CCSER1: variants seen among roughly 807,000 people sequenced by gnomAD.
CCSER1 encodes the protein serine-rich coiled-coil domain-containing protein 1.
In CCSER1, 41 loss-of-function variants were observed where a neutral mutation model predicts 82.0. The ratio of observed to expected loss-of-function variants is 0.50; its 90% CI spans 0.39 to 0.65. The LOEUF (loss-of-function observed/expected upper bound fraction) is 0.65, where lower values mean the gene tolerates loss of function less well. Ranked by LOEUF, CCSER1 falls within the 30% of genes least tolerant of loss-of-function variation. The pLI is 0.00. For missense variants in CCSER1, 1,119 were observed against 1,064.2 expected (o/e 1.05, Z -0.72); for synonymous variants, 414 against 383.9 (o/e 1.08, Z -0.92).
At chr4:91,370,474 A>T (rs1749954668) in intron 10 of CCSER1, among the ~76,000 whole-genome samples, 1 of 152,100 alleles carries the variant, frequency 6.6e-6, no homozygotes, top group Admixed American at 6.6e-5. Flanking sequence ...AGGTGGGTGG[A>T]TCATGAGGTC....
chr4:90,551,188 G>A (rs1777432692), intron 5 of CCSER1, among the ~76,000 whole-genome samples: 1 of 152,078 alleles, frequency 6.6e-6, no homozygotes, highest in African/African-American at 2.4e-5. Flanking sequence ...TTCTGGGAAT[G>A]ATGTTTCTGA....
intron 5 of CCSER1, 31 bp downstream of exon 5, chr4:90,468,385 T>G: frequency 6.3e-7 from 1 of 1,580,246 alleles, no homozygotes. Flanking sequence ...TTCAAGGCCT[T>G]GTAAAATCAA....
intron 4 of CCSER1, among the ~76,000 whole-genome samples, chr4:90,443,097 A>G (rs549736422): frequency 3.5e-4 from 53 of 152,324 alleles, no homozygotes; most frequent in Non-Finnish European, 4.9e-4. Flanking sequence ...ATTAACAACA[A>G]CAATAATAAA....
At chr4:90,990,731 G>A (rs1401150006) in intron 9 of CCSER1, among the ~76,000 whole-genome samples, 1 of 151,832 alleles carries the variant, frequency 6.6e-6, no homozygotes, top group Non-Finnish European at 1.5e-5. Context: ...ATACCCTAAA[G>A]TTGAGAACAG....
chr4:90,274,726 A>G (rs1166807314), intron 1 of CCSER1, among the ~76,000 whole-genome samples: 1 of 152,122 alleles, frequency 6.6e-6, no homozygotes, highest in African/African-American at 2.4e-5. Flanking sequence ...TGGTCCCAGA[A>G]TATCATACTT....
At chr4:90,784,799 T>A in intron 7 of CCSER1, among the ~76,000 whole-genome samples, 1 of 152,220 alleles carries the variant, frequency 6.6e-6, no homozygotes, top group East Asian at 1.9e-4. Context: ...CATGGTTGAT[T>A]AACATGTATT....
intron 10 of CCSER1, among the ~76,000 whole-genome samples, chr4:91,374,510 T>C (rs1750263980): frequency 1.3e-5 from 2 of 152,166 alleles, no homozygotes; most frequent in South Asian, 2.1e-4. Context: ...TTTAAGCCCA[T>C]TGTTGAGACC....
At chr4:91,286,816 A>G (rs1743313222) in intron 10 of CCSER1, among the ~76,000 whole-genome samples, 1 of 151,868 alleles carries the variant, frequency 6.6e-6, no homozygotes. Flanking sequence ...AATGTATTCA[A>G]CAATTCAAAA....
chr4:90,546,116 T>TA (rs61010757), intron 5 of CCSER1, among the ~76,000 whole-genome samples: 29,399 of 151,968 alleles, frequency 0.19, 3,276 homozygotes, highest in African/African-American at 0.3. Flanking sequence ...TTGGCTGAAA[T>TA]AGTTTGACAG....
chr4:90,761,113 A>G (rs1750346658), intron 7 of CCSER1, among the ~76,000 whole-genome samples: 2 of 152,122 alleles, frequency 1.3e-5, no homozygotes, highest in South Asian at 4.1e-4. Flanking sequence ...AAATCCCTTA[A>G]CAGTCACTGA....
chr4:91,287,256 A>G (rs1225727077), intron 10 of CCSER1, among the ~76,000 whole-genome samples: 1 of 151,956 alleles, frequency 6.6e-6, no homozygotes, highest in Non-Finnish European at 1.5e-5. Flanking sequence ...TCAAAGTCAG[A>G]AAAAATAGTT....
intron 10 of CCSER1, among the ~76,000 whole-genome samples, chr4:91,540,659 A>G (rs560204715): frequency 6.6e-6 from 1 of 152,106 alleles, no homozygotes; most frequent in African/African-American, 2.4e-5. Context: ...GTTATCTTCA[A>G]GAGGTTTATA....
intron 6 of CCSER1, among the ~76,000 whole-genome samples, chr4:90,687,608 A>G (rs1579928054): frequency 6.6e-6 from 1 of 152,116 alleles, no homozygotes; most frequent in East Asian, 1.9e-4. Flanking sequence ...CATCCTAACC[A>G]GGAGTTTGAA....
intron 9 of CCSER1, among the ~76,000 whole-genome samples, chr4:91,075,365 T>G (rs1721867503): frequency 6.6e-6 from 1 of 152,120 alleles, no homozygotes; most frequent in African/African-American, 2.4e-5. Context: ...GTGAGAAATA[T>G]GTATACTGAG....
At chr4:90,696,268 A>C (rs1736987307) in intron 6 of CCSER1, among the ~76,000 whole-genome samples, 1 of 152,154 alleles carries the variant, frequency 6.6e-6, no homozygotes, top group Admixed American at 6.6e-5. Flanking sequence ...CCTGCCATGC[A>C]GTTCCATATT....
chr4:90,492,510 C>G (rs1276840792), intron 5 of CCSER1, among the ~76,000 whole-genome samples: 2 of 152,088 alleles, frequency 1.3e-5, no homozygotes, highest in Non-Finnish European at 1.5e-5. Context: ...TTTTGTGTCT[C>G]TATCTCCTTC....
At chr4:90,650,459 C>T (rs1353896282) in intron 6 of CCSER1, among the ~76,000 whole-genome samples, 2 of 151,976 alleles carry the variant, frequency 1.3e-5, no homozygotes, top group African/African-American at 2.4e-5. Flanking sequence ...TTGGATAAAA[C>T]TTATGATGAA....
chr4:91,523,297 C>T (rs960582419), intron 10 of CCSER1, among the ~76,000 whole-genome samples: 6 of 152,096 alleles, frequency 3.9e-5, no homozygotes, highest in Admixed American at 6.6e-5. Context: ...TGAGGATTTT[C>T]GCATTGATGT....
At chr4:91,277,218 A>C (rs563854240) in intron 10 of CCSER1, among the ~76,000 whole-genome samples, 3 of 152,122 alleles carry the variant, frequency 2.0e-5, no homozygotes, top group Non-Finnish European at 2.9e-5. Flanking sequence ...GTTTCAGAAG[A>C]ATTGGTATAA....
Sources: gnomAD v4.1 joint callset for allele counts (sites outside exome capture counted in the v4.1 genomes callset) on GRCh38, gnomAD v4.1.1 for gene constraint, MANE v1.5 for transcripts, NCBI Gene and HGNC (gene_info 2026-07-23, HGNC 2026-07-21) for gene names.